The following TENT4B variants were observed in gnomAD, a reference collection of about 807,000 sequenced individuals.
TENT4B encodes the protein terminal nucleotidyltransferase 4B.
In TENT4B, 10 loss-of-function variants were observed where a neutral mutation model predicts 75.0. The observed-to-expected ratio is 0.13, with a 90% CI of 0.08 to 0.23. TENT4B has a LOEUF of 0.23. TENT4B is among the 10% of genes least tolerant of loss of function. The pLI, the probability that TENT4B is intolerant of heterozygous loss-of-function variation, is 1.00. For synonymous variants in TENT4B, 350 were observed against 357.7 expected, an observed-to-expected ratio of 0.98 and a Z score of 0.24; for missense variants, 579 against 893.8, an observed-to-expected ratio of 0.65 and a Z score of 4.49.
Position 50,234,616 on chromosome 16 carries a change from T to C in TENT4B, c.*5288T>C. The C allele has an allele frequency of 3.0e-6, 3 of 985,060 alleles. No homozygotes were observed. Among genetic ancestry groups the C allele is most frequent in the African/African-American group, 1.7e-5 (1 of 57,358 alleles). 61.0% of individuals were successfully genotyped at this position (985,060 alleles called of 1,614,324 possible). A position where few individuals can be genotyped will look rare whatever the true frequency, so the allele number is the denominator to read the frequency against. ...TAAGATCCTCTCTGATTTTTGCATATTGAAACTTACAGAAGTCACTTTAAA... is the reference window on the plus strand; with the variant it reads ...TAAGATCCTCTCTGATTTTTGCATACTGAAACTTACAGAAGTCACTTTAAA... On this transcript the variant is annotated 3_prime_UTR_variant, in exon 12 of 12. Transcript: ENST00000561678.
rs1034285615 is a variant in TENT4B at position 50,235,076 on chromosome 16, C to T, written c.*5748C>T. The T allele has an allele frequency of 2.0e-6, 2 of 978,698 alleles. No homozygotes were observed. The highest frequency in any genetic ancestry group is 2.4e-6 in the Non-Finnish European group (2 of 823,594). 60.6% of individuals were successfully genotyped at this position (978,698 alleles called of 1,614,324 possible). A position where few individuals can be genotyped will look rare whatever the true frequency, so the allele number is the denominator to read the frequency against. On this transcript the variant is annotated 3_prime_UTR_variant, in exon 12 of 12. Coordinates refer to ENST00000561678, the MANE Select transcript of TENT4B (RefSeq NM_001365324.3). Reference sequence around the variant, plus strand: ...ATTTGATACAAGTGATTTAAGAAATCTCAACATTTCCTGAGGCCGTATCAC... The same window carrying T: ...ATTTGATACAAGTGATTTAAGAAATTTCAACATTTCCTGAGGCCGTATCAC...
chr16:50,166,350 T>C (rs2038100467), intron 1 of TENT4B, among the ~76,000 whole-genome samples: 1 of 152,154 alleles, frequency 6.6e-6, no homozygotes, highest in African/African-American at 2.4e-5. Flanking sequence ...CTCCCAGAGT[T>C]CTGGGATTAC....
chr16:50,204,653 G>C (rs1241632790), intron 1 of TENT4B, among the ~76,000 whole-genome samples: 1 of 152,072 alleles, frequency 6.6e-6, no homozygotes, highest in African/African-American at 2.4e-5. Context: ...CGCTTCTCTT[G>C]GTGTCTAGGC....
chr16:50,154,214 G>C lies in TENT4B; in HGVS notation c.593G>C (p.Ser198Thr). The C allele has an allele frequency of 2.0e-6, 3 of 1,479,320 alleles. No individual in the cohort carries two copies. Among genetic ancestry groups the C allele is most frequent in the Non-Finnish European group, 2.7e-6 (3 of 1,123,404 alleles). 91.6% of individuals were successfully genotyped at this position (1,479,320 alleles called of 1,614,324 possible). The change falls in exon 1 of 12, where the codon AGC becomes ACC. Residue 198 changes from serine (S) to threonine (T), a missense_variant. Physicochemically the swap from Ser to Thr is moderately conservative, Grantham distance 58. Transcript: ENST00000561678. The part of the protein sequence containing the change: ...GRADGGGVVY[S>T]GTPWKRRNYN... ...GCAGACGGCGGCGGGGTCGTGTACA[G>C]CGGGACCCCGTGGAAACGGAGGAAC...
rs1440074071 is a variant in TENT4B at position 50,153,979 on chromosome 16, G to A, written c.358G>A (p.Ala120Thr). The A allele has an allele frequency of 6.5e-7, 1 of 1,534,094 alleles. No individual in the cohort carries two copies. The highest frequency in any genetic ancestry group is 8.7e-7 in the Non-Finnish European group (1 of 1,146,126). Residue 120 changes from alanine to threonine, a missense_variant, in exon 1 of 12, where the codon GCC becomes ACC. Coordinates refer to ENST00000561678, the MANE Select transcript of TENT4B (RefSeq NM_001365324.3). Reference protein sequence around the residue: ...NNNNNHHQPGAWARRAGSSAS... With the variant: ...NNNNNHHQPGTWARRAGSSAS... ...CAACAACAACCACCACCAGCCCGGG[G>A]CCTGGGCCCGCCGGGCGGGCTCCTC... is the stretch of plus-strand genomic sequence containing the variant.
chr16:50,233,236 A>T lies in TENT4B; in HGVS notation c.*3908A>T. The T allele has an allele frequency of 1.0e-6, 1 of 985,266 alleles. No individual in the cohort carries two copies. Among genetic ancestry groups the T allele is most frequent in the Non-Finnish European group, 1.2e-6 (1 of 829,752 alleles). 61.0% of individuals were successfully genotyped at this position (985,266 alleles called of 1,614,324 possible). ...AGCATTAAAGTGGGAACAAAGATTT[A>T]TATATGAAATTCCTTAAAAGAGTTC... On this transcript the variant is annotated 3_prime_UTR_variant, in exon 12 of 12. Transcript: ENST00000561678.
At chr16:50,164,777 C>T (rs764476889) in intron 1 of TENT4B, among the ~76,000 whole-genome samples, 21 of 151,802 alleles carry the variant, frequency 1.4e-4, no homozygotes, top group Non-Finnish European at 2.5e-4. Context: ...TGGTGGCTCA[C>T]CTGGGATTAA....
chr16:50,202,204 A>G (rs911382067), intron 1 of TENT4B, among the ~76,000 whole-genome samples: 2 of 152,192 alleles, frequency 1.3e-5, no homozygotes, highest in African/African-American at 2.4e-5. Flanking sequence ...TTTCATATGT[A>G]GGAGTCCTTG....
intron 1 of TENT4B, among the ~76,000 whole-genome samples, chr16:50,173,529 A>G (rs2038245186): frequency 6.6e-6 from 1 of 152,210 alleles, no homozygotes; most frequent in Non-Finnish European, 1.5e-5. Flanking sequence ...CCCACCAGCA[A>G]TGAATCAAGT....
At chr16:50,202,914 G>C (rs1417202084) in intron 1 of TENT4B, among the ~76,000 whole-genome samples, 1 of 152,108 alleles carries the variant, frequency 6.6e-6, no homozygotes, top group Admixed American at 6.6e-5. Flanking sequence ...TGAAACATTG[G>C]CCTAAAAAAC....
intron 5 of TENT4B, among the ~76,000 whole-genome samples, chr16:50,218,595 G>A (rs532267418): frequency 5.3e-5 from 8 of 151,910 alleles, no homozygotes; most frequent in Admixed American, 1.3e-4. Context: ...CTTGTGATCC[G>A]CCTACCTCGG....
chr16:50,155,898 T>G (rs978903319), intron 1 of TENT4B, among the ~76,000 whole-genome samples: 1 of 152,218 alleles, frequency 6.6e-6, no homozygotes, highest in Non-Finnish European at 1.5e-5. Flanking sequence ...TGCATTTTAC[T>G]GAAGCCTCTT....
intron 1 of TENT4B, among the ~76,000 whole-genome samples, chr16:50,155,992 A>G (rs1232505936): frequency 6.6e-6 from 1 of 152,050 alleles, no homozygotes; most frequent in Non-Finnish European, 1.5e-5. Context: ...TCTACTTGCT[A>G]TTTAATGCAG....
Position 50,187,349 on chromosome 16 carries a change from G to A in TENT4B, c.639-23974G>A, listed in dbSNP as rs1019783363. Among the ~76,000 whole-genome samples the A allele has an allele frequency of 3.9e-5, 6 of 152,336 alleles. No individual in the cohort carries two copies. In the East Asian group the frequency reaches 1.2e-3, roughly 29 times the overall value. The stretch of plus-strand genomic sequence containing the variant: ...TGTAATCCCACTACTTGGGGAGGCC[G>A]AGGCGGATGGATCACCTGAGGTCAG... On this transcript the variant is annotated intron_variant, in intron 1 of 11. Coordinates refer to ENST00000561678, the MANE Select transcript of TENT4B (RefSeq NM_001365324.3).
Position 50,233,693 on chromosome 16 carries a change from A to T in TENT4B, c.*4365A>T, listed in dbSNP as rs8045128. ...TGTCTCTCAGGTTTTTGGTTTTTTT[A>T]AAAAAAATGTGTTTGGCCTTTACAT... On this transcript the variant is annotated 3_prime_UTR_variant, in exon 12 of 12. Transcript: ENST00000561678. The T allele has an allele frequency of 7.0e-3, 1,189 of 170,794 alleles. 8 individuals are homozygous for T. The highest frequency in any genetic ancestry group is 0.032 in the African/African-American group (920 of 29,000). 10.6% of individuals were successfully genotyped at this position (170,794 alleles called of 1,614,324 possible).
intron 1 of TENT4B, among the ~76,000 whole-genome samples, chr16:50,162,795 C>G (rs556606371): frequency 6.6e-6 from 1 of 152,110 alleles, no homozygotes; most frequent in Middle Eastern, 3.4e-3. Flanking sequence ...GCCTCGTTTT[C>G]TAAAAACATA....
Position 50,230,075 on chromosome 16 carries a change from CTAAAG to C in TENT4B, c.*748_*752del, listed in dbSNP as rs2032231655. On this transcript the variant is annotated 3_prime_UTR_variant, in exon 12 of 12. Coordinates refer to ENST00000561678, the MANE Select transcript of TENT4B (RefSeq NM_001365324.3). Reference sequence around the variant, plus strand: ...GTCCTGCTGCAAAAATTTTTCCTCTCTAAAGAAAAGGTTTATGGTGGCAAATGATG... The same window carrying C: ...GTCCTGCTGCAAAAATTTTTCCTCTCAAAAGGTTTATGGTGGCAAATGATG... The C allele has an allele frequency of 1.0e-6, 1 of 984,210 alleles. No individual in the cohort carries two copies. Among genetic ancestry groups the C allele is most frequent in the South Asian group, 4.7e-5 (1 of 21,254 alleles). 61.0% of individuals were successfully genotyped at this position (984,210 alleles called of 1,614,324 possible).
Position 50,231,562 on chromosome 16 carries a change from G to A in TENT4B, c.*2234G>A. On this transcript the variant is annotated 3_prime_UTR_variant, in exon 12 of 12. Transcript: ENST00000561678. ...TCCAATAAGCATGTGATTATATTAA[G>A]GTGGTGGTAGCGGGAAGATAATTCT... The A allele has an allele frequency of 1.0e-6, 1 of 985,762 alleles. No individual in the cohort carries two copies. Among genetic ancestry groups the A allele is most frequent in the Non-Finnish European group, 1.2e-6 (1 of 829,892 alleles). 61.1% of individuals were successfully genotyped at this position (985,762 alleles called of 1,614,324 possible). A position where few individuals can be genotyped will look rare whatever the true frequency, so the allele number is the denominator to read the frequency against.
At chr16:50,200,334 G>A (rs2030554162) in intron 1 of TENT4B, among the ~76,000 whole-genome samples, 1 of 150,894 alleles carries the variant, frequency 6.6e-6, no homozygotes, top group African/African-American at 2.4e-5. Flanking sequence ...CCACTGCACT[G>A]CTGCCTGGGT....
Sources: allele counts gnomAD v4.1 joint callset (sites outside exome capture counted in the v4.1 genomes callset), GRCh38; gene constraint gnomAD v4.1.1; transcripts MANE v1.5; gene names NCBI Gene and HGNC (gene_info 2026-07-23, HGNC 2026-07-21).